Variants in AAAS observed in about 807,000 individuals in gnomAD.
The protein encoded by AAAS is aladin WD repeat nucleoporin, also known as aladin.
In AAAS, 60 loss-of-function variants were observed where a neutral mutation model predicts 75.6. The ratio of observed to expected loss-of-function variants is 0.79; its 90% confidence interval spans 0.64 to 0.98. The LOEUF is 0.98. Among genes scored for constraint, AAAS ranks in the 50% least tolerant of loss-of-function variants. The pLI is 0.00. For synonymous variants in AAAS, 271 were observed against 265.0 expected (o/e 1.02, Z -0.22); for missense variants, 658 against 686.9 (o/e 0.96, Z 0.47).
Position 53,307,666 on chromosome 12 carries a change from A to G in AAAS, c.1464T>C (p.Asn488=), listed in dbSNP as rs1242994858. 2 of 1,614,064 alleles carry G rather than the reference A, an allele frequency of 1.2e-6. No individual in the cohort carries two copies. Among genetic ancestry groups the G allele is most frequent in the Admixed American group, 1.7e-5 (1 of 60,004 alleles). ...CTGGGCTAAAACGTGGAAACTGGGC[A>G]TTGACAAAGTACAGCGGGATGTGGG... ...RIAHIPLYFV[N]AQFPRFSPVL... is the part of the protein sequence containing the mutation. The change falls in exon 16 of 16, where the codon AAT becomes AAC. Residue 488 remains asparagine (N), a synonymous_variant. Transcript: ENST00000209873.
At chr12:53,314,602 C>T (rs1456682619) in intron 6 of AAAS, 149 bp downstream of exon 6, 9 of 1,318,094 alleles carry the variant, frequency 6.8e-6, no homozygotes, top group South Asian at 5.0e-5. Context: ...CTAGAAGAAG[C>T]ACGCATCCAG....
intron 7 of AAAS, 110 bp from the exon 8 acceptor site, chr12:53,309,831 G>A: frequency 6.7e-7 from 1 of 1,495,258 alleles, no homozygotes; most frequent in Admixed American, 2.0e-5. Context: ...CCCACTCTGG[G>A]CTCAAATCCA....
intron 2 of AAAS, among the ~76,000 whole-genome samples, chr12:53,316,812 G>A (rs1283493950): frequency 1.3e-5 from 2 of 150,764 alleles, no homozygotes; most frequent in Non-Finnish European, 3.0e-5. Flanking sequence ...AAAAGTCCAG[G>A]TGCAGTGGCT....
intron 2 of AAAS, among the ~76,000 whole-genome samples, chr12:53,318,087 A>G (rs568183349): frequency 4.0e-5 from 6 of 150,022 alleles, no homozygotes; most frequent in African/African-American, 1.5e-4. Context: ...GGAGTGCAAT[A>G]TCACCATCAC....
At chr12:53,318,671 CT>C (rs1272661389) in intron 2 of AAAS, among the ~76,000 whole-genome samples, 43 of 152,216 alleles carry the variant, frequency 2.8e-4, no homozygotes, top group Admixed American at 3.3e-4. Flanking sequence ...ATGATCATTC[CT>C]TAAAGTGAAC....
chr12:53,307,777 A>G, intron 15 of AAAS, 64 bp from the exon 16 acceptor site: 1 of 1,612,928 alleles, frequency 6.2e-7, no homozygotes, highest in Non-Finnish European at 8.5e-7. Flanking sequence ...TGGCAGAGCC[A>G]TACAGCAGCC....
chr12:53,312,972 T>C (rs7397954), intron 7 of AAAS, among the ~76,000 whole-genome samples: 137,914 of 150,608 alleles, frequency 0.92, 64,015 homozygotes, highest in Non-Finnish European at 0.98. Flanking sequence ...CTCTCCTGCC[T>C]CAGCCTGCCA....
Position 53,308,356 on chromosome 12 carries a change from G to T in AAAS, c.1182-7C>A, listed in dbSNP as rs547385453. Reference sequence around the variant, plus strand: ...GTGAGCCTCTCCCCCAAGCCTGTGGGTAAGGACAGGTTAGGAGAGTTTCAG... The same window carrying T: ...GTGAGCCTCTCCCCCAAGCCTGTGGTTAAGGACAGGTTAGGAGAGTTTCAG... On this transcript the variant is annotated splice_region_variant and splice_polypyrimidine_tract_variant and intron_variant, in intron 12 of 15. Transcript: ENST00000209873. 1 of 1,614,076 alleles carries T rather than the reference G, an allele frequency of 6.2e-7. No homozygotes were observed. Among genetic ancestry groups the T allele is most frequent in the African/African-American group, 1.3e-5 (1 of 74,918 alleles).
At chr12:53,311,707 G>C (rs1219165793) in intron 7 of AAAS, among the ~76,000 whole-genome samples, 1 of 152,154 alleles carries the variant, frequency 6.6e-6, no homozygotes, top group Admixed American at 6.5e-5. Context: ...CTGAGGTCAA[G>C]AGTTTGAGAC....
At chr12:53,309,343 G>A in intron 8 of AAAS, 62 bp from the exon 9 acceptor site, 1 of 1,608,092 alleles carries the variant, frequency 6.2e-7, no homozygotes, top group Non-Finnish European at 8.5e-7. Flanking sequence ...ACAGTGGGCT[G>A]GCCTCTCTAA....
intron 2 of AAAS, among the ~76,000 whole-genome samples, chr12:53,318,251 T>TGTGTGTGTGTGC (rs1944496531): frequency 7.3e-6 from 1 of 137,110 alleles, no homozygotes; most frequent in African/African-American, 2.8e-5. Context: ...TGTGCGTGTG[T>TGTGTGTGTGTGC]GTGTGTGTGT....
chr12:53,315,684 G>A, intron 3 of AAAS, 43 bp downstream of exon 3: 2 of 1,605,678 alleles, frequency 1.2e-6, no homozygotes, highest in Non-Finnish European at 1.7e-6. Flanking sequence ...ATGGAGAGGA[G>A]ATAACCACAA....
In AAAS at chr12:53,317,776, G is replaced by GA. The variant is rs199968600; in HGVS notation, c.252-1995dup. ...AAAAGAATCTACTTCAGGAACCTAGGAAAAAGGTGAAAGTGGCCTGAACTG... is the reference window on the plus strand; with the variant it reads ...AAAAGAATCTACTTCAGGAACCTAGGAAAAAAGGTGAAAGTGGCCTGAACTG... On this transcript the variant is annotated intron_variant, in intron 2 of 15. Coordinates refer to ENST00000209873, the MANE Select transcript of AAAS (RefSeq NM_015665.6). Among the ~76,000 whole-genome samples, 986 of 152,090 alleles carry GA rather than the reference G, an allele frequency of 6.5e-3. 13 individuals carry two copies. Among genetic ancestry groups the GA allele is most frequent in the African/African-American group, 0.023 (942 of 41,486 alleles).
chr12:53,314,671 T>TC, intron 6 of AAAS, 80 bp downstream of exon 6: 1 of 1,472,376 alleles, frequency 6.8e-7, no homozygotes, highest in Middle Eastern at 2.4e-4. Flanking sequence ...GTTCAAGAAC[T>TC]ACAGGACTCC....
intron 5 of AAAS, 73 bp downstream of exon 5, chr12:53,315,019 CTT>C: frequency 1.9e-6 from 3 of 1,555,032 alleles, no homozygotes; most frequent in Non-Finnish European, 2.7e-6. Context: ...GAGTAGGAGT[CTT>C]TGCCTTCTCC....
rs776982343 is a variant in AAAS at position 53,308,113 on chromosome 12, C to T, written c.1270G>A (p.Gly424Ser). 9.9e-6 allele frequency: 16 copies of T among 1,614,192 alleles called. No individual in the cohort carries two copies. The highest frequency in any genetic ancestry group is 1.2e-5 in the Non-Finnish European group (14 of 1,180,036). The change falls in exon 14 of 16, where the codon GGT becomes AGT. Residue 424 changes from glycine to serine, a missense_variant. Coordinates refer to ENST00000209873, the MANE Select transcript of AAAS (RefSeq NM_015665.6). ...LMKGKPRVQD[G>S]KPVILLFRTR... is the part of the protein sequence containing the mutation. The stretch of plus-strand genomic sequence containing the variant: ...CGAAAAAGGAGGATGACTGGTTTAC[C>T]ATCCTGTACCCTTGGCTTTCCTGTA...
chr12:53,315,689 C>T, intron 3 of AAAS, 38 bp downstream of exon 3: 1 of 1,609,020 alleles, frequency 6.2e-7, no homozygotes, highest in Non-Finnish European at 8.5e-7. Context: ...GAGGAGATAA[C>T]CACAAAACTA....
rs1200821521 is a variant in AAAS at position 53,309,479 on chromosome 12, TG to T, written c.810+121del. The T allele has an allele frequency of 2.6e-6, 4 of 1,566,290 alleles. No individual in the cohort carries two copies. In the African/African-American group the frequency reaches 5.4e-5, roughly 21 times the overall value. ...CGAGTCTGATGGCAAAGCTCCTCTCTGGGTAAGTTTAAGACTGAATGGACCA... is the reference window on the plus strand; with the variant it reads ...CGAGTCTGATGGCAAAGCTCCTCTCTGGTAAGTTTAAGACTGAATGGACCA... On this transcript the variant is annotated intron_variant, in intron 8 of 15. Transcript: ENST00000209873.
chr12:53,309,061 G>C (rs764585946), intron 9 of AAAS, 41 bp from the exon 10 acceptor site: 2 of 1,614,188 alleles, frequency 1.2e-6, no homozygotes, highest in Non-Finnish European at 1.7e-6. Flanking sequence ...GGACCTCTAA[G>C]TTCTAAAAGT....
Sources: gnomAD v4.1 joint callset for allele counts (sites outside exome capture counted in the v4.1 genomes callset) on GRCh38, gnomAD v4.1.1 for gene constraint, MANE v1.5 for transcripts, NCBI Gene and HGNC (gene_info 2026-07-23, HGNC 2026-07-21) for gene names.